HERPUD2: variants seen among roughly 807,000 people sequenced by gnomAD.
HERPUD2 encodes HERPUD family member 2, also known as homocysteine-responsive endoplasmic reticulum-resident ubiquitin-like domain member 2 protein.
In HERPUD2, 13 loss-of-function variants were observed where a neutral mutation model predicts 49.9. The observed-to-expected ratio is 0.26, with a 90% CI of 0.17 to 0.41. The LOEUF (loss-of-function observed/expected upper bound fraction) is 0.41, where lower values mean the gene tolerates loss of function less well. HERPUD2 is among the 10% of genes least tolerant of loss of function. The pLI, the probability that HERPUD2 is intolerant of heterozygous loss-of-function variation, is 1.00. For synonymous variants in HERPUD2, 172 were observed against 171.4 expected, an observed-to-expected ratio of 1.00 and a Z score of -0.03; for missense variants, 449 against 492.2, an observed-to-expected ratio of 0.91 and a Z score of 0.83.
intron 2 of HERPUD2, among the ~76,000 whole-genome samples, chr7:35,688,256 C>T (rs1786106689): frequency 6.6e-6 from 1 of 152,278 alleles, no homozygotes; most frequent in African/African-American, 2.4e-5. Context: ...TCTAAAAACC[C>T]TGAAAATTCA....
chr7:35,641,877 G>C (rs962807517), intron 5 of HERPUD2, among the ~76,000 whole-genome samples: 1 of 152,102 alleles, frequency 6.6e-6, no homozygotes, highest in African/African-American at 2.4e-5. Context: ...AGACAACCTA[G>C]GCAATACCAT....
intron 2 of HERPUD2, among the ~76,000 whole-genome samples, chr7:35,687,173 A>G (rs1786081784): frequency 6.6e-6 from 1 of 152,176 alleles, no homozygotes; most frequent in Admixed American, 6.5e-5. Context: ...TCGTTTCTCA[A>G]TTTAAAAAAC....
intron 5 of HERPUD2, among the ~76,000 whole-genome samples, chr7:35,661,480 A>C (rs1785421202): frequency 1.3e-5 from 2 of 152,152 alleles, no homozygotes; most frequent in African/African-American, 4.8e-5. Flanking sequence ...GGCCATTTTC[A>C]CGATATTGAT....
Position 35,665,929 on chromosome 7 carries a change from A to G in HERPUD2, c.494+1505T>C, listed in dbSNP as rs73693811. 2.8e-3 allele frequency among the ~76,000 whole-genome samples: 428 copies of G among 152,332 alleles called. 1 individual carries two copies. Among genetic ancestry groups the G allele is most frequent in the African/African-American group, 9.2e-3 (382 of 41,566 alleles). ...GTTTATTACAAAATATATTCACTGT[A>G]AGTAAGAGAAAGAGTTATAAATTTT... On this transcript the variant is annotated intron_variant, in intron 5 of 8. Transcript: ENST00000311350.
At position 35,648,584 on chromosome 7, in the gene HERPUD2, C is replaced by A. The variant is rs1785098930; in HGVS notation, c.495-10112G>T. Among the ~76,000 whole-genome samples, 3 of 152,318 alleles carry A rather than the reference C, an allele frequency of 2.0e-5. No homozygotes were observed. In the South Asian group the frequency reaches 6.2e-4, roughly 32 times the overall value. ...ACTTCCCCCTCTCAATGCTGCTGAC[C>A]TGTTGAGAGTGGCCATGTGATTGCT... On this transcript the variant is annotated intron_variant, in intron 5 of 8. Transcript: ENST00000311350.
intron 5 of HERPUD2, among the ~76,000 whole-genome samples, chr7:35,660,723 T>C (rs1583553044): frequency 1.3e-5 from 2 of 152,212 alleles, no homozygotes; most frequent in East Asian, 3.9e-4. Context: ...GTTGATGGGG[T>C]TGTTGGATTT....
intron 2 of HERPUD2, among the ~76,000 whole-genome samples, chr7:35,691,483 C>T (rs1175534258): frequency 2.0e-5 from 3 of 152,158 alleles, no homozygotes; most frequent in Non-Finnish European, 4.4e-5. Context: ...ACTCCTGACC[C>T]ATCAGATCCA....
At chr7:35,648,132 C>G (rs113906466) in intron 5 of HERPUD2, among the ~76,000 whole-genome samples, 3,294 of 152,136 alleles carry the variant, frequency 0.022, 120 homozygotes, top group African/African-American at 0.074. Flanking sequence ...ACTGGTACAA[C>G]TTTACTGCAA....
intron 2 of HERPUD2, among the ~76,000 whole-genome samples, chr7:35,693,457 T>C (rs1786236918): frequency 6.6e-6 from 1 of 152,212 alleles, no homozygotes; most frequent in South Asian, 2.1e-4. Flanking sequence ...AAAAAAATCT[T>C]CAATTTCTGT....
intron 2 of HERPUD2, among the ~76,000 whole-genome samples, chr7:35,691,786 T>C: frequency 6.6e-6 from 1 of 152,300 alleles, no homozygotes; most frequent in Middle Eastern, 3.4e-3. Context: ...CAAAGTAAAC[T>C]TTTAGGACTC....
At chr7:35,685,702 G>T (rs1304344774) in intron 2 of HERPUD2, among the ~76,000 whole-genome samples, 1 of 152,046 alleles carries the variant, frequency 6.6e-6, no homozygotes, top group East Asian at 1.9e-4. Context: ...TCAGGGCTGG[G>T]TGCAGTGGTT....
chr7:35,638,403 T>G lies in HERPUD2; in HGVS notation c.564A>C (p.Pro188=). The change falls in exon 6 of 9, where the codon CCA becomes CCC. Residue 188 remains proline, a synonymous_variant. Coordinates refer to ENST00000311350, the MANE Select transcript of HERPUD2 (RefSeq NM_022373.5). Reference sequence around the variant, plus strand: ...TCTGTTGCCACCATAGCATCTGCAGTGGGCTAAACGCGGGATACACTGGGA... The same window carrying G: ...TCTGTTGCCACCATAGCATCTGCAGGGGGCTAAACGCGGGATACACTGGGA... ...PGFPVYPAFS[P]LQMLWWQQMY... 6.2e-7 allele frequency: 1 copy of G among 1,613,754 alleles called. No individual in the cohort carries two copies. Among genetic ancestry groups the G allele is most frequent in the Non-Finnish European group, 8.5e-7 (1 of 1,179,686 alleles).
intron 4 of HERPUD2, 53 bp downstream of exon 4, chr7:35,670,162 G>A (rs3779235): frequency 0.34 from 289,389 of 853,888 alleles, 51,663 homozygotes; most frequent in Middle Eastern, 0.4. Context: ...AAAATAAGAC[G>A]ACGACGAAAA....
chr7:35,659,333 C>T (rs1785357857), intron 5 of HERPUD2, among the ~76,000 whole-genome samples: 1 of 152,180 alleles, frequency 6.6e-6, no homozygotes, highest in Admixed American at 6.5e-5. Context: ...TATAAATCAA[C>T]AAATACTCTC....
intron 4 of HERPUD2, 82 bp downstream of exon 4, chr7:35,670,133 A>T (rs1361937377): frequency 3.4e-6 from 2 of 583,598 alleles, no homozygotes; most frequent in Middle Eastern, 2.7e-4. Flanking sequence ...TCTGTTTTTC[A>T]TTTAGTTTTT....
intron 5 of HERPUD2, among the ~76,000 whole-genome samples, chr7:35,645,919 G>C (rs574835581): frequency 6.6e-6 from 1 of 152,092 alleles, no homozygotes; most frequent in Non-Finnish European, 1.5e-5. Context: ...CTTTTGTTTC[G>C]TTTTGTTTTG....
intron 5 of HERPUD2, among the ~76,000 whole-genome samples, chr7:35,654,363 C>A (rs1211488781): frequency 2.6e-5 from 4 of 151,246 alleles, no homozygotes; most frequent in African/African-American, 9.7e-5. Context: ...AAAAAGGAAA[C>A]CTTACAACTG....
intron 2 of HERPUD2, among the ~76,000 whole-genome samples, chr7:35,683,580 T>C (rs577813739): frequency 6.6e-6 from 1 of 152,328 alleles, no homozygotes; most frequent in Admixed American, 6.5e-5. Context: ...TGGGACTTAA[T>C]TAAACTAAAG....
intron 4 of HERPUD2, among the ~76,000 whole-genome samples, chr7:35,669,121 G>A (rs1243032234): frequency 1.3e-5 from 2 of 152,112 alleles, no homozygotes; most frequent in Admixed American, 6.6e-5. Context: ...CAATGCAACT[G>A]TGTCCGACGA....
Sources: gnomAD v4.1 joint callset for allele counts (sites outside exome capture counted in the v4.1 genomes callset) on GRCh38, gnomAD v4.1.1 for gene constraint, MANE v1.5 for transcripts, NCBI Gene and HGNC (gene_info 2026-07-23, HGNC 2026-07-21) for gene names.